FER: variants seen among roughly 807,000 people sequenced by gnomAD.
FER encodes the protein tyrosine-protein kinase Fer.
In FER, 63 loss-of-function variants were observed where a neutral mutation model predicts 111.0. The ratio of observed to expected loss-of-function variants is 0.57; its 90% CI spans 0.46 to 0.70. The LOEUF is 0.70. FER is among the 30% of genes least tolerant of loss of function. FER has a pLI of 0.00. For synonymous variants in FER, 327 were observed against 313.9 expected, an observed-to-expected ratio of 1.04 and a Z score of -0.44; for missense variants, 914 against 954.0, an observed-to-expected ratio of 0.96 and a Z score of 0.55.
intron 17 of FER, among the ~76,000 whole-genome samples, chr5:109,125,319 C>A (rs937096259): frequency 6.6e-6 from 1 of 151,898 alleles, no homozygotes; most frequent in Non-Finnish European, 1.5e-5. Flanking sequence ...TTGGATAATT[C>A]CATAACCATA....
chr5:109,085,690 C>A (rs752196870), intron 16 of FER, among the ~76,000 whole-genome samples: 1 of 151,634 alleles, frequency 6.6e-6, no homozygotes, highest in Non-Finnish European at 1.5e-5. Flanking sequence ...GTAGGTTCTC[C>A]ATAGGTGTTC....
chr5:109,007,417 A>G (rs921032937), intron 13 of FER, among the ~76,000 whole-genome samples: 1 of 151,766 alleles, frequency 6.6e-6, no homozygotes, highest in African/African-American at 2.4e-5. Flanking sequence ...CCACAGTCAA[A>G]TTATAGAACA....
chr5:109,085,639 G>C (rs1013932499), intron 16 of FER, among the ~76,000 whole-genome samples: 13 of 151,664 alleles, frequency 8.6e-5, no homozygotes, highest in Admixed American at 3.3e-4. Context: ...GATTCTGAGA[G>C]ATAAGTGTTC....
chr5:108,920,299 A>G (rs1392262063), intron 10 of FER, among the ~76,000 whole-genome samples: 3 of 152,106 alleles, frequency 2.0e-5, no homozygotes, highest in African/African-American at 7.2e-5. Flanking sequence ...TTGAATATGT[A>G]GAAGGAATGC....
intron 6 of FER, among the ~76,000 whole-genome samples, chr5:108,870,885 A>G (rs146354207): frequency 0.014 from 2,074 of 152,232 alleles, 43 homozygotes; most frequent in African/African-American, 0.048. Flanking sequence ...GATGTCATTC[A>G]AGGTATAGAA....
At chr5:109,018,117 C>T (rs1287796353) in intron 13 of FER, among the ~76,000 whole-genome samples, 1 of 151,760 alleles carries the variant, frequency 6.6e-6, no homozygotes, top group South Asian at 2.1e-4. Flanking sequence ...GGATTTTTTA[C>T]TTCTACTTAG....
intron 13 of FER, among the ~76,000 whole-genome samples, chr5:108,960,548 AATATAT>A (rs911676083): frequency 2.0e-5 from 3 of 150,888 alleles, no homozygotes; most frequent in African/African-American, 7.3e-5. Flanking sequence ...TCTATAGCAA[AATATAT>A]ATATATATAA....
intron 14 of FER, among the ~76,000 whole-genome samples, chr5:109,040,826 A>T (rs1324886518): frequency 6.6e-6 from 1 of 152,158 alleles, no homozygotes; most frequent in Admixed American, 6.6e-5. Flanking sequence ...CTAGAGCGTC[A>T]TCCTTGAGCA....
Position 109,192,628 on chromosome 5 carries a change from C to T in FER, c.*5053C>T, listed in dbSNP as rs1562019396. On this transcript the variant is annotated 3_prime_UTR_variant, in exon 20 of 20. Coordinates refer to ENST00000281092, the MANE Select transcript of FER (RefSeq NM_005246.4). ...TATTTAATATTTCTTAAGCTAAGATCACTGATTATCCACACGTTATTAGAA... is the reference window on the plus strand; with the variant it reads ...TATTTAATATTTCTTAAGCTAAGATTACTGATTATCCACACGTTATTAGAA... 1 of 152,144 alleles carries T rather than the reference C, an allele frequency of 6.6e-6. No individual in the cohort carries two copies. Among genetic ancestry groups the T allele is most frequent in the Non-Finnish European group, 1.5e-5 (1 of 68,024 alleles). 9.4% of individuals were successfully genotyped at this position (152,144 alleles called of 1,614,324 possible).
In FER at chr5:108,813,580, G is replaced by A. The variant is rs181154109; in HGVS notation, c.207+15191G>A. Reference sequence around the variant, plus strand: ...TATGCTGTATTTTTCTTTCTTCTCTGTGTTTCATTGTGGTTAGTTTTTATT... The same window carrying A: ...TATGCTGTATTTTTCTTTCTTCTCTATGTTTCATTGTGGTTAGTTTTTATT... On this transcript the variant is annotated intron_variant, in intron 3 of 19. Transcript: ENST00000281092. Among the ~76,000 whole-genome samples the A allele has an allele frequency of 2.5e-3, 378 of 152,024 alleles. 5 individuals are homozygous for A. The highest frequency in any genetic ancestry group is 8.6e-3 in the African/African-American group (355 of 41,448).
intron 13 of FER, among the ~76,000 whole-genome samples, chr5:108,980,847 G>C (rs1293657264): frequency 6.6e-6 from 1 of 152,096 alleles, no homozygotes; most frequent in Non-Finnish European, 1.5e-5. Context: ...CAAGTGTTTT[G>C]TTGGACAGAT....
chr5:108,900,956 G>T (rs1052482570), intron 10 of FER, among the ~76,000 whole-genome samples: 1 of 152,168 alleles, frequency 6.6e-6, no homozygotes, highest in Non-Finnish European at 1.5e-5. Context: ...AATTGCCATT[G>T]TAAGAGTGTT....
Position 109,032,352 on chromosome 5 carries a change from C to T in FER, c.1657-5070C>T, listed in dbSNP as rs116091399. On this transcript the variant is annotated intron_variant, in intron 13 of 19. Coordinates refer to ENST00000281092, the MANE Select transcript of FER (RefSeq NM_005246.4). ...CAACTCCTACCCTTCACTGAACACA[C>T]TTACATTTCCTCCCTGTGCCTCATT... 4.0e-3 allele frequency among the ~76,000 whole-genome samples: 608 copies of T among 152,326 alleles called. 4 individuals are homozygous for T. Among genetic ancestry groups the T allele is most frequent in the African/African-American group, 0.014 (575 of 41,584 alleles).
At chr5:108,817,027 C>T (rs1758346476) in intron 3 of FER, among the ~76,000 whole-genome samples, 1 of 140,272 alleles carries the variant, frequency 7.1e-6, no homozygotes, top group Non-Finnish European at 1.5e-5. Context: ...TCACTTTAGC[C>T]CAGGAGGCAG....
intron 10 of FER, among the ~76,000 whole-genome samples, chr5:108,932,645 A>G (rs1188052164): frequency 6.6e-6 from 1 of 152,160 alleles, no homozygotes; most frequent in Non-Finnish European, 1.5e-5. Context: ...CCAACAGTGG[A>G]GAAACGTGTT....
At chr5:108,780,899 C>T (rs1016557846) in intron 2 of FER, among the ~76,000 whole-genome samples, 5 of 151,512 alleles carry the variant, frequency 3.3e-5, no homozygotes, top group Non-Finnish European at 5.9e-5. Context: ...ATTCTTTCCT[C>T]AGCTGTGTCC....
At chr5:108,866,491 C>G (rs113448950) in intron 5 of FER, among the ~76,000 whole-genome samples, 6 of 151,938 alleles carry the variant, frequency 3.9e-5, no homozygotes, top group Non-Finnish European at 5.9e-5. Context: ...TGTTAAATGA[C>G]AAGTTAATGG....
chr5:108,937,716 C>T (rs1159243842), intron 10 of FER, among the ~76,000 whole-genome samples: 2 of 151,644 alleles, frequency 1.3e-5, no homozygotes, highest in South Asian at 4.2e-4. Context: ...TGTGTTGAGA[C>T]GTCAAGTAAG....
At chr5:109,160,192 G>A (rs977619795) in intron 17 of FER, among the ~76,000 whole-genome samples, 2 of 152,114 alleles carry the variant, frequency 1.3e-5, no homozygotes, top group African/African-American at 2.4e-5. Flanking sequence ...GAACTATACA[G>A]GTAACTCTTA....
Sources: allele counts gnomAD v4.1 joint callset (sites outside exome capture counted in the v4.1 genomes callset), GRCh38; gene constraint gnomAD v4.1.1; transcripts MANE v1.5; gene names NCBI Gene and HGNC (gene_info 2026-07-23, HGNC 2026-07-21).